The following RGS22 variants were observed in gnomAD, a reference collection of about 807,000 sequenced individuals.
RGS22 encodes the protein regulator of G-protein signaling 22.
A neutral mutation model predicts 172.9 loss-of-function variants in RGS22; 148 were observed. The observed-to-expected ratio is 0.86, with a 90% CI of 0.75 to 0.98. The LOEUF (loss-of-function observed/expected upper bound fraction) is 0.98, where lower values mean the gene tolerates loss of function less well. Ranked by LOEUF, RGS22 falls within the 50% of genes least tolerant of loss-of-function variation. RGS22 has a pLI of 0.00. For synonymous variants in RGS22, 458 were observed against 480.2 expected, an observed-to-expected ratio of 0.95 and a Z score of 0.60; for missense variants, 1,347 against 1,440.8, an observed-to-expected ratio of 0.93 and a Z score of 1.05.
chr8:100,051,407 TTA>T (rs1821267569), intron 10 of RGS22, among the ~76,000 whole-genome samples: 2 of 129,206 alleles, frequency 1.5e-5, no homozygotes, highest in South Asian at 4.5e-4. Context: ...ATATATATAT[TTA>T]TTATATATAT....
intron 14 of RGS22, among the ~76,000 whole-genome samples, chr8:100,037,054 A>C (rs1819576737): frequency 6.6e-6 from 1 of 152,228 alleles, no homozygotes; most frequent in Non-Finnish European, 1.5e-5. Flanking sequence ...CTAGGATTAT[A>C]GTATTACAGG....
chr8:100,087,317 CCTTA>C (rs1173306514), intron 3 of RGS22, among the ~76,000 whole-genome samples: 4 of 152,122 alleles, frequency 2.6e-5, no homozygotes, highest in African/African-American at 9.7e-5. Flanking sequence ...CTGCTCTTTT[CCTTA>C]CTTAATTTTC....
intron 14 of RGS22, among the ~76,000 whole-genome samples, chr8:100,029,563 C>T (rs1818544224): frequency 2.0e-5 from 3 of 151,864 alleles, no homozygotes; most frequent in African/African-American, 4.8e-5. Flanking sequence ...ATTAGCCAGG[C>T]GTGGTGGTGC....
chr8:100,103,090 A>G (rs1480865238), intron 2 of RGS22, among the ~76,000 whole-genome samples: 1 of 152,252 alleles, frequency 6.6e-6, no homozygotes, highest in African/African-American at 2.4e-5. Flanking sequence ...GCCAGTAACA[A>G]GGTAATGTTT....
intron 18 of RGS22, 63 bp from the exon 19 acceptor site, chr8:99,999,483 T>A: frequency 6.4e-7 from 1 of 1,552,408 alleles, no homozygotes; most frequent in Non-Finnish European, 8.8e-7. Flanking sequence ...TAATAGTCAT[T>A]AATTCATTCA....
chr8:100,051,496 AT>A (rs1270084714), intron 10 of RGS22, among the ~76,000 whole-genome samples: 4 of 62,030 alleles, frequency 6.4e-5, no homozygotes, highest in Non-Finnish European at 8.7e-5. Context: ...TATATAATAT[AT>A]AATAAATATA....
chr8:100,046,749 G>A (rs1374339526), intron 11 of RGS22, among the ~76,000 whole-genome samples: 1 of 151,692 alleles, frequency 6.6e-6, no homozygotes. Context: ...CGGCATTTGA[G>A]GCTGCTTTTT....
At chr8:99,993,948 A>T (rs1171861904) in intron 20 of RGS22, among the ~76,000 whole-genome samples, 3 of 152,222 alleles carry the variant, frequency 2.0e-5, no homozygotes, top group Admixed American at 6.5e-5. Flanking sequence ...CTGGGATGCA[A>T]GGCTGGTTCA....
chr8:99,980,208 A>T (rs940213161), intron 22 of RGS22, among the ~76,000 whole-genome samples: 1 of 152,190 alleles, frequency 6.6e-6, no homozygotes, highest in African/African-American at 2.4e-5. Context: ...GGGATTACTT[A>T]CAGGTGTGAG....
At chr8:100,070,043 A>AC (rs1180359232) in intron 6 of RGS22, among the ~76,000 whole-genome samples, 3 of 149,982 alleles carry the variant, frequency 2.0e-5, no homozygotes, top group Non-Finnish European at 3.0e-5. Context: ...AAAAAAAAAA[A>AC]AAAAACAAAA....
chr8:99,976,840 C>T (rs1341326843), intron 23 of RGS22, among the ~76,000 whole-genome samples: 2 of 152,048 alleles, frequency 1.3e-5, no homozygotes, highest in African/African-American at 4.8e-5. Context: ...TTATTTTGGC[C>T]TGCACAAATA....
chr8:100,045,213 G>A (rs1037275683), intron 11 of RGS22, among the ~76,000 whole-genome samples: 4 of 151,718 alleles, frequency 2.6e-5, no homozygotes, highest in Non-Finnish European at 5.9e-5. Flanking sequence ...GTTCAAGGCT[G>A]CACGCCATAG....
chr8:99,962,399 A>G lies in RGS22; in HGVS notation c.*40T>C. Reference sequence around the variant, plus strand: ...ACATTCAGACTATGACGTACCTTGAACCTATCAGCAGCAGGATGTAAACAT... The same window carrying G: ...ACATTCAGACTATGACGTACCTTGAGCCTATCAGCAGCAGGATGTAAACAT... On this transcript the variant is annotated 3_prime_UTR_variant, in exon 27 of 28. Transcript: ENST00000360863. The G allele has an allele frequency of 6.2e-7, 1 of 1,610,488 alleles. No individual in the cohort carries two copies. Among genetic ancestry groups the G allele is most frequent in the Non-Finnish European group, 8.5e-7 (1 of 1,176,770 alleles).
At chr8:100,024,712 G>A (rs996512285) in intron 14 of RGS22, among the ~76,000 whole-genome samples, 9 of 152,210 alleles carry the variant, frequency 5.9e-5, no homozygotes, top group Non-Finnish European at 1.0e-4. Flanking sequence ...GAAGTTAAGA[G>A]TATAGGGTCT....
chr8:100,014,169 C>T (rs1259969910), intron 14 of RGS22, among the ~76,000 whole-genome samples: 2 of 152,198 alleles, frequency 1.3e-5, no homozygotes, highest in Non-Finnish European at 2.9e-5. Flanking sequence ...TCTCTGATGT[C>T]TCAAAGACAT....
chr8:100,060,421 T>TAC (rs1554629643), intron 9 of RGS22, among the ~76,000 whole-genome samples: 1,924 of 119,074 alleles, frequency 0.016, 72 homozygotes, highest in African/African-American at 0.043. Context: ...TATATATATA[T>TAC]ACACACACAC....
At chr8:100,010,816 T>G (rs1248855115) in intron 14 of RGS22, among the ~76,000 whole-genome samples, 1 of 151,892 alleles carries the variant, frequency 6.6e-6, no homozygotes, top group East Asian at 1.9e-4. Flanking sequence ...TTCTTTTTTT[T>G]TTTTTTTTAA....
chr8:100,095,270 G>A (rs974604748), intron 2 of RGS22, among the ~76,000 whole-genome samples: 2 of 152,114 alleles, frequency 1.3e-5, no homozygotes, highest in South Asian at 4.1e-4. Flanking sequence ...TGCAACCTCC[G>A]CCTCCTGGGT....
intron 6 of RGS22, among the ~76,000 whole-genome samples, chr8:100,068,761 G>A (rs950752034): frequency 3.3e-5 from 5 of 151,758 alleles, no homozygotes; most frequent in East Asian, 1.9e-4. Flanking sequence ...GCAAAACCCC[G>A]TCTCTACAAA....
Sources: allele counts gnomAD v4.1 joint callset (sites outside exome capture counted in the v4.1 genomes callset), GRCh38; gene constraint gnomAD v4.1.1; transcripts MANE v1.5; gene names NCBI Gene and HGNC (gene_info 2026-07-23, HGNC 2026-07-21).